TMEM178A: variants seen among roughly 807,000 people sequenced by gnomAD.
TMEM178A encodes the protein transmembrane protein 178A.
Under a neutral mutation model 29.1 loss-of-function variants are expected in TMEM178A, and 12 were observed. The observed-to-expected ratio is 0.41, with a 90% CI of 0.26 to 0.67. The LOEUF is 0.67. TMEM178A is among the 30% of genes least tolerant of loss of function. The pLI is 0.29. For synonymous variants in TMEM178A, 210 were observed against 187.2 expected (o/e 1.12, Z -0.99); for missense variants, 366 against 419.1 (o/e 0.87, Z 1.11).
chr2:39,689,658 C>T (rs1404595544), intron 1 of TMEM178A, among the ~76,000 whole-genome samples: 1 of 152,038 alleles, frequency 6.6e-6, no homozygotes, highest in Non-Finnish European at 1.5e-5. Flanking sequence ...GTGATGGGTG[C>T]ACAACAATAT....
intron 1 of TMEM178A, among the ~76,000 whole-genome samples, chr2:39,690,668 C>T (rs1017929810): frequency 7.2e-5 from 11 of 152,110 alleles, no homozygotes; most frequent in African/African-American, 2.7e-4. Context: ...CAACACAAGC[C>T]TTCAAGGAAA....
At chr2:39,669,753 T>C (rs1440067478) in intron 1 of TMEM178A, among the ~76,000 whole-genome samples, 1 of 152,232 alleles carries the variant, frequency 6.6e-6, no homozygotes, top group African/African-American at 2.4e-5. Context: ...TAGCAGCAAG[T>C]TCTCTTAATA....
chr2:39,673,850 A>G (rs1670502659), intron 1 of TMEM178A, among the ~76,000 whole-genome samples: 1 of 152,238 alleles, frequency 6.6e-6, no homozygotes, highest in Non-Finnish European at 1.5e-5. Flanking sequence ...TGCTTCACTC[A>G]ACAATCATCA....
rs767193933 is a variant in TMEM178A, at chr2:39,665,961, C to T, written c.-14C>T. On this transcript the variant is annotated 5_prime_UTR_variant, in exon 1 of 4. Coordinates refer to ENST00000281961, the MANE Select transcript of TMEM178A (RefSeq NM_152390.3). Reference sequence around the variant, plus strand: ...CGCGCGAGCCCACCGGCGGCTGCGGCGGGGCGGGAAGCCATGGAGCCGCGG... The same window carrying T: ...CGCGCGAGCCCACCGGCGGCTGCGGTGGGGCGGGAAGCCATGGAGCCGCGG... 4.5e-6 allele frequency: 6 copies of T among 1,334,628 alleles called. No individual in the cohort carries two copies. The East Asian group carries it at 9.3e-5, about 21-fold the overall frequency. 82.7% of individuals were successfully genotyped at this position (1,334,628 alleles called of 1,614,324 possible). A position where few individuals can be genotyped will look rare whatever the true frequency, so the allele number is the denominator to read the frequency against.
chr2:39,679,074 T>A (rs1020736805), intron 1 of TMEM178A, among the ~76,000 whole-genome samples: 54 of 152,230 alleles, frequency 3.5e-4, no homozygotes, highest in Admixed American at 4.6e-4. Flanking sequence ...GGGATGCCAT[T>A]GTACTTTATA....
chr2:39,722,207 A>G (rs1160240449), downstream of TMEM178A, among the ~76,000 whole-genome samples: 3 of 152,074 alleles, frequency 2.0e-5, no homozygotes, highest in Non-Finnish European at 4.4e-5. Flanking sequence ...TTTGCTGGTA[A>G]GTTACATGGC....
downstream of TMEM178A, among the ~76,000 whole-genome samples, chr2:39,720,854 AG>A (rs1353770509): frequency 6.6e-6 from 1 of 152,234 alleles, no homozygotes; most frequent in Non-Finnish European, 1.5e-5. Context: ...TAGCTTGGCA[AG>A]CAAGGAAACC....
chr2:39,679,414 A>G (rs964252214), intron 1 of TMEM178A, among the ~76,000 whole-genome samples: 1 of 152,134 alleles, frequency 6.6e-6, no homozygotes, highest in African/African-American at 2.4e-5. Context: ...AAGTAGTAAT[A>G]GTGGTAGATG....
chr2:39,716,144 G>T (rs1418184724), intron 3 of TMEM178A, among the ~76,000 whole-genome samples: 1 of 152,210 alleles, frequency 6.6e-6, no homozygotes, highest in African/African-American at 2.4e-5. Flanking sequence ...GCCAGTTTCT[G>T]TTTTTATTAC....
chr2:39,669,593 G>A (rs533567486), intron 1 of TMEM178A, among the ~76,000 whole-genome samples: 5 of 152,186 alleles, frequency 3.3e-5, no homozygotes, highest in Non-Finnish European at 5.9e-5. Flanking sequence ...AATGGTCTAG[G>A]CTTGACGTTT....
At chr2:39,735,527 A>G in the TMEM178A span, among the ~76,000 whole-genome samples, 1 of 152,158 alleles carries the variant, frequency 6.6e-6, no homozygotes, top group Non-Finnish European at 1.5e-5. Flanking sequence ...TACACTTTCT[A>G]TAACACTAGC....
chr2:39,672,919 G>T (rs1311958650), intron 1 of TMEM178A, among the ~76,000 whole-genome samples: 3 of 152,152 alleles, frequency 2.0e-5, no homozygotes, highest in Non-Finnish European at 4.4e-5. Context: ...TTGAGAAAAT[G>T]TCAATGCTAA....
chr2:39,716,853 T>C (rs528092504), intron 3 of TMEM178A, among the ~76,000 whole-genome samples, 157 bp from the exon 4 acceptor site: 2 of 152,148 alleles, frequency 1.3e-5, no homozygotes, highest in South Asian at 4.2e-4. Flanking sequence ...CAATGTTTGT[T>C]ATATGAATTA....
chr2:39,712,482 C>T lies in TMEM178A; in HGVS notation c.653-4528C>T, dbSNP rs143046140. Among the ~76,000 whole-genome samples, 460 of 152,316 alleles carry T rather than the reference C, an allele frequency of 3.0e-3. 2 individuals are homozygous for T. Among genetic ancestry groups the T allele is most frequent in the African/African-American group, 0.011 (447 of 41,560 alleles). On this transcript the variant is annotated intron_variant, in intron 3 of 3. Coordinates refer to ENST00000281961, the MANE Select transcript of TMEM178A (RefSeq NM_152390.3). ...CTTCTGTCCTGATGTGAAAATATCC[C>T]TTCTAGCCCTATAATTCTGTGATAT...
intron 1 of TMEM178A, among the ~76,000 whole-genome samples, chr2:39,677,181 C>T (rs1670667986): frequency 6.6e-6 from 1 of 152,260 alleles, no homozygotes; most frequent in South Asian, 2.1e-4. Context: ...CCTGGATGTT[C>T]AGTGCCTCCC....
chr2:39,683,537 A>G (rs1670955329), intron 1 of TMEM178A, among the ~76,000 whole-genome samples: 1 of 152,178 alleles, frequency 6.6e-6, no homozygotes, highest in African/African-American at 2.4e-5. Flanking sequence ...TATCCCAGGC[A>G]GGATAGAGCC....
At chr2:39,677,408 A>G (rs1474151282) in intron 1 of TMEM178A, among the ~76,000 whole-genome samples, 1 of 152,204 alleles carries the variant, frequency 6.6e-6, no homozygotes, top group East Asian at 1.9e-4. Flanking sequence ...TAAATATAAT[A>G]ACTTTGAACA....
chr2:39,727,187 G>T, the TMEM178A span, among the ~76,000 whole-genome samples: 1 of 152,104 alleles, frequency 6.6e-6, no homozygotes, highest in Non-Finnish European at 1.5e-5. Context: ...GTATCCTCTT[G>T]CTCCTGCTCA....
the TMEM178A span, among the ~76,000 whole-genome samples, chr2:39,734,178 C>T: frequency 1.2e-4 from 19 of 152,208 alleles, no homozygotes; most frequent in Non-Finnish European, 2.5e-4. Context: ...TGGTTTTGCT[C>T]CCCTTCCATT....
Sources: allele counts gnomAD v4.1 joint callset (sites outside exome capture counted in the v4.1 genomes callset), GRCh38; gene constraint gnomAD v4.1.1; transcripts MANE v1.5; gene names NCBI Gene and HGNC (gene_info 2026-07-23, HGNC 2026-07-21).